The following GNG12 variants were observed in gnomAD, a reference collection of about 807,000 sequenced individuals.
The protein encoded by GNG12 is G protein subunit gamma 12.
For synonymous variants in GNG12, 28 were observed against 29.7 expected (o/e 0.94, Z 0.19); for missense variants, 69 against 83.8 (o/e 0.82, Z 0.69).
chr1:67,741,942 C>T (rs948647013), intron 2 of GNG12, among the ~76,000 whole-genome samples: 4 of 152,208 alleles, frequency 2.6e-5, no homozygotes, highest in African/African-American at 9.7e-5. Flanking sequence ...ATGGCCTGGC[C>T]TCACCTGCTG....
intron 2 of GNG12, 27 bp from the exon 3 acceptor site, chr1:67,707,739 G>T: frequency 9.2e-7 from 1 of 1,089,020 alleles, no homozygotes; most frequent in Non-Finnish European, 1.4e-6. Flanking sequence ...TTAAAGACAA[G>T]TAACAGGCAT....
chr1:67,806,105 C>G (rs1221260222), intron 1 of GNG12, among the ~76,000 whole-genome samples: 1 of 151,910 alleles, frequency 6.6e-6, no homozygotes, highest in Non-Finnish European at 1.5e-5. Flanking sequence ...CTGAGGGAAT[C>G]TGGTGCCAGT....
intron 1 of GNG12, among the ~76,000 whole-genome samples, chr1:67,792,475 C>T (rs1207159564): frequency 1.3e-5 from 2 of 152,198 alleles, no homozygotes; most frequent in Non-Finnish European, 2.9e-5. Context: ...ATTCTGGTAT[C>T]TGCCCATTGG....
intron 2 of GNG12, among the ~76,000 whole-genome samples, chr1:67,750,591 G>C (rs1318002242): frequency 6.6e-6 from 1 of 152,184 alleles, no homozygotes; most frequent in Non-Finnish European, 1.5e-5. Flanking sequence ...CAGATCAGTA[G>C]GTGATCATTT....
intron 1 of GNG12, among the ~76,000 whole-genome samples, chr1:67,778,019 T>G (rs1214607237): frequency 6.6e-6 from 1 of 151,654 alleles, no homozygotes; most frequent in African/African-American, 2.4e-5. Context: ...AATAGAAATA[T>G]AACCCAAGCC....
chr1:67,829,749 T>C (rs1400984861), intron 1 of GNG12, among the ~76,000 whole-genome samples: 2 of 152,216 alleles, frequency 1.3e-5, no homozygotes, highest in African/African-American at 4.8e-5. Context: ...GAATCAATAA[T>C]TTACTCAATC....
At chr1:67,743,721 C>T (rs1274808526) in intron 2 of GNG12, among the ~76,000 whole-genome samples, 3 of 152,160 alleles carry the variant, frequency 2.0e-5, no homozygotes, top group Non-Finnish European at 4.4e-5. Context: ...ATTTAGGCTG[C>T]TGTAATGCTT....
At chr1:67,832,216 C>T (rs1422743758) in intron 1 of GNG12, 1 of 152,240 alleles carries the variant, frequency 6.6e-6, no homozygotes, top group Non-Finnish European at 1.5e-5. Flanking sequence ...TTTGTTTCCG[C>T]TGGGAGCAGC....
intron 2 of GNG12, among the ~76,000 whole-genome samples, chr1:67,714,607 T>C (rs566785815): frequency 6.6e-6 from 1 of 152,176 alleles, no homozygotes; most frequent in Non-Finnish European, 1.5e-5. Flanking sequence ...CATTCCTCAA[T>C]GGACTGGAGC....
At chr1:67,823,078 G>A (rs1244315342) in intron 1 of GNG12, among the ~76,000 whole-genome samples, 3 of 152,120 alleles carry the variant, frequency 2.0e-5, no homozygotes, top group African/African-American at 7.2e-5. Context: ...CTCTGATGGT[G>A]AAATTAAAGG....
At chr1:67,778,970 G>A (rs1646722082) in intron 1 of GNG12, among the ~76,000 whole-genome samples, 3 of 152,116 alleles carry the variant, frequency 2.0e-5, no homozygotes. Context: ...CAGCAGGTGG[G>A]GTCGAAAAGG....
At chr1:67,783,333 T>A (rs903050450) in intron 1 of GNG12, among the ~76,000 whole-genome samples, 2 of 152,206 alleles carry the variant, frequency 1.3e-5, no homozygotes, top group East Asian at 3.8e-4. Context: ...CATTCTTTTA[T>A]CTTATTTCTC....
intron 2 of GNG12, among the ~76,000 whole-genome samples, chr1:67,744,544 G>T (rs1646498256): frequency 6.6e-6 from 1 of 152,180 alleles, no homozygotes; most frequent in South Asian, 2.1e-4. Context: ...TCTGCAGAGA[G>T]GGCCCACGTC....
chr1:67,794,115 C>T (rs1000763690), intron 1 of GNG12, among the ~76,000 whole-genome samples: 4 of 152,182 alleles, frequency 2.6e-5, no homozygotes, highest in African/African-American at 9.7e-5. Context: ...TAAAGTCTTA[C>T]AAGTAAACCA....
intron 1 of GNG12, among the ~76,000 whole-genome samples, chr1:67,807,459 G>GAAAAAAATCAAAGCA (rs1553160217): frequency 2.7e-5 from 4 of 146,438 alleles, no homozygotes; most frequent in African/African-American, 1.0e-4. Flanking sequence ...TCAAATTAAA[G>GAAAAAAATCAAAGCA]AAAAAAATCA....
At chr1:67,795,254 C>T (rs1002750773) in intron 1 of GNG12, among the ~76,000 whole-genome samples, 3 of 152,196 alleles carry the variant, frequency 2.0e-5, no homozygotes, top group Non-Finnish European at 4.4e-5. Context: ...AGTTACACTG[C>T]ACCTTTTCTT....
rs75634619 is a variant in GNG12 at position 67,704,339 on chromosome 1, T to C, written c.*1112A>G. The C allele has an allele frequency of 1.3e-5, 2 of 152,154 alleles. No homozygotes were observed. Among genetic ancestry groups the C allele is most frequent in the Non-Finnish European group, 2.9e-5 (2 of 68,036 alleles). The allele number at this position is 152,154 out of a possible 1,614,324, so 9.4% of individuals were successfully genotyped here. A position where few individuals can be genotyped will look rare whatever the true frequency, so the allele number is the denominator to read the frequency against. On this transcript the variant is annotated 3_prime_UTR_variant, in exon 4 of 4. Coordinates refer to ENST00000370982, the MANE Select transcript of GNG12 (RefSeq NM_018841.6). ...TGCATTTTTTTTTTAATTTTTTTTT[T>C]CCTCACCGTATTCCACATACCTGTG...
chr1:67,742,344 T>C (rs1289052630), intron 2 of GNG12, among the ~76,000 whole-genome samples: 1 of 152,200 alleles, frequency 6.6e-6, no homozygotes, highest in Non-Finnish European at 1.5e-5. Context: ...AAATATATGT[T>C]GGTATTTTCT....
intron 1 of GNG12, among the ~76,000 whole-genome samples, chr1:67,830,402 A>C (rs1162646778): frequency 2.6e-5 from 4 of 152,194 alleles, no homozygotes; most frequent in African/African-American, 2.4e-5. Flanking sequence ...ATCTCATGAA[A>C]GTTTACAAAT....
Sources: gnomAD v4.1 joint callset for allele counts (sites outside exome capture counted in the v4.1 genomes callset) on GRCh38, gnomAD v4.1.1 for gene constraint, MANE v1.5 for transcripts, NCBI Gene and HGNC (gene_info 2026-07-23, HGNC 2026-07-21) for gene names.